The following PLOD1 variants were observed in gnomAD, a reference collection of about 807,000 sequenced individuals.
PLOD1 encodes the protein procollagen-lysine,2-oxoglutarate 5-dioxygenase 1.
PLOD1 carries 70 observed loss-of-function variants against 94.7 expected under a neutral mutation model. The observed-to-expected ratio is 0.74, with a 90% confidence interval of 0.61 to 0.90. The LOEUF (loss-of-function observed/expected upper bound fraction) is 0.90. Ranked by LOEUF, PLOD1 falls within the 40% of genes least tolerant of loss-of-function variation. The pLI, the probability that PLOD1 is intolerant of heterozygous loss-of-function variation, is 0.00. For synonymous variants in PLOD1, 417 were observed against 400.2 expected (o/e 1.04, Z -0.50); for missense variants, 905 against 972.7 (o/e 0.93, Z 0.93).
chr1:11,973,124 A>AC, intron 18 of PLOD1, 127 bp downstream of exon 18: 1 of 992,044 alleles, frequency 1.0e-6, no homozygotes, highest in Non-Finnish European at 1.5e-6. Context: ...CAGAAAAAAA[A>AC]GGATGTGGGT....
At chr1:11,951,611 A>G (rs1317754172) in intron 4 of PLOD1, among the ~76,000 whole-genome samples, 1 of 146,888 alleles carries the variant, frequency 6.8e-6, no homozygotes, top group Non-Finnish European at 1.5e-5. Flanking sequence ...TATATATTAT[A>G]TATAATAATT....
chr1:11,962,274 CTTTTTTT>C (rs780613164), intron 10 of PLOD1, among the ~76,000 whole-genome samples: 3 of 99,078 alleles, frequency 3.0e-5, no homozygotes, highest in East Asian at 3.0e-4. Context: ...TTTTTGTTTT[CTTTTTTT>C]TTTTTTTTTT....
At chr1:11,969,368 C>T (rs1472361928) in intron 16 of PLOD1, among the ~76,000 whole-genome samples, 1 of 152,154 alleles carries the variant, frequency 6.6e-6, no homozygotes, top group Non-Finnish European at 1.5e-5. Context: ...GACCCTGGAC[C>T]TGTGTGCCAA....
intron 10 of PLOD1, among the ~76,000 whole-genome samples, chr1:11,962,652 A>G (rs2100756141): frequency 6.6e-6 from 1 of 152,200 alleles, no homozygotes; most frequent in Admixed American, 6.5e-5. Flanking sequence ...GCACTTTGGG[A>G]GGCCAAGGAT....
At chr1:11,964,441 G>C in intron 12 of PLOD1, 141 bp downstream of exon 12, 2 of 1,019,230 alleles carry the variant, frequency 2.0e-6, no homozygotes. Flanking sequence ...ACTTCAGTTA[G>C]ACACACAGAA....
At chr1:11,947,945 T>C in intron 1 of PLOD1, 31 bp from the exon 2 acceptor site, 2 of 1,405,284 alleles carry the variant, frequency 1.4e-6, no homozygotes, top group Non-Finnish European at 2.0e-6. Context: ...CATCCTCCAT[T>C]CCCATTCACC....
Position 11,934,785 on chromosome 1 carries a change from G to A in PLOD1, c.6G>A (p.Arg2=). 6.5e-7 allele frequency: 1 copy of A among 1,538,794 alleles called. No individual in the cohort carries two copies. Among genetic ancestry groups the A allele is most frequent in the Non-Finnish European group, 8.7e-7 (1 of 1,145,676 alleles). Residue 2 remains arginine, a synonymous_variant, in exon 1 of 19, where the codon CGG becomes CGA. Transcript: ENST00000196061. ...TCGTCCCCCATACCTCGGCCATGCG[G>A]CCCCTGCTGCTACTGGCCCTGCTGG... M[R]PLLLLALLGW...
intron 16 of PLOD1, among the ~76,000 whole-genome samples, chr1:11,968,795 C>T (rs2100762904): frequency 6.7e-6 from 1 of 150,180 alleles, no homozygotes; most frequent in Admixed American, 6.7e-5. Flanking sequence ...GGATTACAGG[C>T]ATGAGCCACC....
intron 16 of PLOD1, among the ~76,000 whole-genome samples, chr1:11,967,971 T>A (rs909438932): frequency 3.3e-5 from 5 of 150,404 alleles, no homozygotes; most frequent in African/African-American, 9.9e-5. Flanking sequence ...TTTTTTTTTT[T>A]AAGGCAGTGT....
chr1:11,956,046 G>A (rs1398367355), intron 6 of PLOD1, among the ~76,000 whole-genome samples: 1 of 152,024 alleles, frequency 6.6e-6, no homozygotes, highest in African/African-American at 2.4e-5. Flanking sequence ...ACAGGTGTGC[G>A]CCAGCGTGCC....
chr1:11,951,094 A>G (rs781132711), intron 4 of PLOD1, among the ~76,000 whole-genome samples: 11 of 151,714 alleles, frequency 7.3e-5, no homozygotes, highest in Admixed American at 1.3e-4. Context: ...ACACCTGGCC[A>G]CCTGCCTCCT....
In PLOD1 at chr1:11,957,018, G is replaced by A. The variant is rs763641520; in HGVS notation, c.741+4G>A. ...CCATGGCAACGGGCCAACCAAGGTA[G>A]GGGGTCCCCAGCCCCTGGGGAGTGT... On this transcript the variant is annotated splice_donor_region_variant and intron_variant, in intron 7 of 18. Transcript: ENST00000196061. This position sits in a 1 kb window ranked among gnomAD's most constrained non-coding sequence, Gnocchi z 4.1. 8.7e-6 allele frequency: 14 copies of A among 1,600,202 alleles called. No individual in the cohort carries two copies. Among genetic ancestry groups the A allele is most frequent in the South Asian group, 5.5e-5 (5 of 90,774 alleles).
Position 11,974,688 on chromosome 1 carries a change from C to T in PLOD1, c.2064C>T (p.Ser688=), listed in dbSNP as rs1645891262. The T allele has an allele frequency of 1.9e-6, 3 of 1,613,952 alleles. No homozygotes were observed. The highest frequency in any genetic ancestry group is 1.3e-5 in the African/African-American group (1 of 75,036). The change falls in exon 19 of 19, where the codon TCC becomes TCT. Residue 688 remains serine (S), a synonymous_variant. Transcript: ENST00000196061. The part of the protein sequence containing the change: ...GGCRFLRYNC[S]IRAPRKGWTL... ...GTCGGTTCCTGCGCTACAACTGTTC[C>T]ATCCGAGCCCCAAGGAAGGGCTGGA... is the stretch of plus-strand genomic sequence containing the variant.
At position 11,966,540 on chromosome 1, in the gene PLOD1, AG is replaced by A. The variant is rs200184176; in HGVS notation, c.1650+226del. ...TGGTGGGATGGGGGTGGGGGGAGGC[AG>A]GATGGCCCCTCTACCTGTTGGCACT... is the stretch of plus-strand genomic sequence containing the variant. On this transcript the variant is annotated intron_variant, in intron 15 of 18. Coordinates refer to ENST00000196061, the MANE Select transcript of PLOD1 (RefSeq NM_000302.4). 872 of 535,662 alleles carry A rather than the reference AG, an allele frequency of 1.6e-3. 9 individuals are homozygous for A. Among genetic ancestry groups the A allele is most frequent in the African/African-American group, 0.016 (818 of 51,866 alleles). The allele number at this position is 535,662 out of a possible 1,614,324, so 33.2% of individuals were successfully genotyped here.
At chr1:11,954,381 G>A (rs1323876415) in intron 5 of PLOD1, 2 of 387,804 alleles carry the variant, frequency 5.2e-6, no homozygotes, top group Non-Finnish European at 1.0e-5. Flanking sequence ...AGCTACTCAG[G>A]AGTCTGAGGC....
At position 11,968,385 on chromosome 1, in the gene PLOD1, C is replaced by G. The variant is rs80073402; in HGVS notation, c.1755+1294C>G. On this transcript the variant is annotated intron_variant, in intron 16 of 18. Coordinates refer to ENST00000196061, the MANE Select transcript of PLOD1 (RefSeq NM_000302.4). The stretch of plus-strand genomic sequence containing the variant: ...CTGTACTTAAAGGCAACATTACCTA[C>G]TAAGCAAACTCTGTCCTTAGCCCTT... Among the ~76,000 whole-genome samples the G allele has an allele frequency of 4.4e-3, 668 of 152,318 alleles. 8 individuals carry two copies. Among genetic ancestry groups the G allele is most frequent in the East Asian group, 0.04 (210 of 5,188 alleles).
In PLOD1 at chr1:11,974,648, C is replaced by T; in HGVS notation, c.2029-5C>T. On this transcript the variant is annotated splice_region_variant and splice_polypyrimidine_tract_variant and intron_variant, in intron 18 of 18. Coordinates refer to ENST00000196061, the MANE Select transcript of PLOD1 (RefSeq NM_000302.4). ...GAAAGGCCACTGATGCTTTCTGTCT[C>T]CCAGGGCGGGGGCTGTCGGTTCCTG... The T allele has an allele frequency of 6.2e-7, 1 of 1,612,894 alleles. No individual in the cohort carries two copies. The highest frequency in any genetic ancestry group is 1.1e-5 in the South Asian group (1 of 91,030).
At chr1:11,943,930 T>C (rs1645631946) in intron 1 of PLOD1, among the ~76,000 whole-genome samples, 1 of 152,068 alleles carries the variant, frequency 6.6e-6, no homozygotes, top group Non-Finnish European at 1.5e-5. Flanking sequence ...TTAGTATGTG[T>C]GAAGTGCTTG....
At chr1:11,946,954 G>A (rs1260111593) in intron 1 of PLOD1, among the ~76,000 whole-genome samples, 2 of 152,146 alleles carry the variant, frequency 1.3e-5, no homozygotes, top group African/African-American at 2.4e-5. Context: ...GAGAGAGGAG[G>A]AAGTGCAAGG....
Sources: gnomAD v4.1 joint callset for allele counts (sites outside exome capture counted in the v4.1 genomes callset) on GRCh38, gnomAD v4.1.1 for gene constraint, Gnocchi (gnomAD v3.1) non-coding constraint, MANE v1.5 for transcripts, NCBI Gene and HGNC (gene_info 2026-07-23, HGNC 2026-07-21) for gene names.